The following UNK variants were observed in gnomAD, a reference collection of about 807,000 sequenced individuals.
The protein encoded by UNK is RING finger protein unkempt homolog.
In UNK, 32 loss-of-function variants were observed where a neutral mutation model predicts 97.6. The observed-to-expected ratio is 0.33, with a 90% CI of 0.25 to 0.44. The LOEUF is 0.44. UNK is among the 20% of genes least tolerant of loss of function. UNK has a pLI of 1.00. For missense variants in UNK, 771 were observed against 1,098.4 expected (o/e 0.70, Z 4.21); for synonymous variants, 441 against 461.2 (o/e 0.96, Z 0.56).
At position 75,824,142 on chromosome 17, in the gene UNK, T is replaced by C; in HGVS notation, c.2278-120T>C. On this transcript the variant is annotated intron_variant, in intron 15 of 15. Coordinates refer to ENST00000589666, the MANE Select transcript of UNK (RefSeq NM_001080419.3). This position sits in a 1 kb window ranked among gnomAD's most constrained non-coding sequence, Gnocchi z 4.9. ...TGCCAACAGGGGTCTGGGAGCACAC[T>C]GTTGAGCTCGGTACCTCAGTTTTCC... 2.4e-6 allele frequency: 3 copies of C among 1,256,714 alleles called. No individual in the cohort carries two copies. Among genetic ancestry groups the C allele is most frequent in the South Asian group, 1.6e-5 (1 of 62,534 alleles). 77.8% of individuals were successfully genotyped at this position (1,256,714 alleles called of 1,614,324 possible).
intron 2 of UNK, 56 bp downstream of exon 2, chr17:75,810,025 C>G: frequency 6.3e-7 from 1 of 1,595,316 alleles, no homozygotes; most frequent in Admixed American, 1.7e-5. Context: ...GGGTCAGATG[C>G]CCTCAGGGTA....
intron 1 of UNK, among the ~76,000 whole-genome samples, chr17:75,787,091 T>A (rs1193022399): frequency 6.6e-6 from 1 of 152,230 alleles, no homozygotes; most frequent in Non-Finnish European, 1.5e-5. Flanking sequence ...TCTTTCTTGC[T>A]AGACTTACTA....
intron 1 of UNK, among the ~76,000 whole-genome samples, chr17:75,800,825 A>G (rs1331579297): frequency 6.6e-6 from 1 of 152,070 alleles, no homozygotes; most frequent in Non-Finnish European, 1.5e-5. Context: ...CACTTCAACT[A>G]CAGACTCAAG....
chr17:75,822,691 G>C (rs2062080038), intron 14 of UNK, 33 bp downstream of exon 14: 1 of 1,558,390 alleles, frequency 6.4e-7, no homozygotes, highest in Non-Finnish European at 8.7e-7. Context: ...GCCTTCCCCA[G>C]TGCCAGGTGG....
At chr17:75,803,645 G>A (rs1487388011) in intron 1 of UNK, among the ~76,000 whole-genome samples, 2 of 152,184 alleles carry the variant, frequency 1.3e-5, no homozygotes, top group East Asian at 3.8e-4. Flanking sequence ...TTTATCATGT[G>A]TTATTGAACT....
Position 75,818,675 on chromosome 17 carries a change from C to T in UNK, c.1405C>T (p.Leu469=). ...GGGCATCCTCCCCGCAGGCAGCCCC[C>T]TGACCTCAAGCATCTCTTCTAGTAT... ...MLGILPAGSP[L]TSSISSSITS... The change falls in exon 11 of 16, where the codon CTG becomes TTG. Residue 469 remains leucine (L), a synonymous_variant. Coordinates refer to ENST00000589666, the MANE Select transcript of UNK (RefSeq NM_001080419.3). This position sits in a 1 kb window ranked among gnomAD's most constrained non-coding sequence, Gnocchi z 5.1. 1 of 1,609,056 alleles carries T rather than the reference C, an allele frequency of 6.2e-7. No individual in the cohort carries two copies. The highest frequency in any genetic ancestry group is 8.5e-7 in the Non-Finnish European group (1 of 1,177,170).
In UNK at chr17:75,824,225, C is replaced by A; in HGVS notation, c.2278-37C>A. On this transcript the variant is annotated intron_variant, in intron 15 of 15. Transcript: ENST00000589666. This position sits in a 1 kb window ranked among gnomAD's most constrained non-coding sequence, Gnocchi z 4.9. ...ACTCCTCGCTCAACTTGGGGCCAGACCCATGGATGGTGACCACGATGCCCC... is the reference window on the plus strand; with the variant it reads ...ACTCCTCGCTCAACTTGGGGCCAGAACCATGGATGGTGACCACGATGCCCC... 1 of 1,554,062 alleles carries A rather than the reference C, an allele frequency of 6.4e-7. No homozygotes were observed.
In UNK at chr17:75,825,011, G is replaced by C. The variant is rs1255298356; in HGVS notation, c.*594G>C. 1 of 152,272 alleles carries C rather than the reference G, an allele frequency of 6.6e-6. No homozygotes were observed. Among genetic ancestry groups the C allele is most frequent in the East Asian group, 1.9e-4 (1 of 5,176 alleles). The allele number at this position is 152,272 out of a possible 1,614,324, so 9.4% of individuals were successfully genotyped here. On this transcript the variant is annotated 3_prime_UTR_variant, in exon 16 of 16. Coordinates refer to ENST00000589666, the MANE Select transcript of UNK (RefSeq NM_001080419.3). The surrounding 1 kb of genome is among the most constrained non-coding windows in gnomAD (Gnocchi z 4.4). Reference sequence around the variant, plus strand: ...GCCTCAGGGAGGCCCGAGGGGGAGTGCTGGGGGTCTCAGCTGGCTTAGCTC... The same window carrying C: ...GCCTCAGGGAGGCCCGAGGGGGAGTCCTGGGGGTCTCAGCTGGCTTAGCTC...
chr17:75,815,034 T>C (rs570960406), intron 6 of UNK, 135 bp from the exon 7 acceptor site: 3 of 681,932 alleles, frequency 4.4e-6, no homozygotes, highest in Non-Finnish European at 5.0e-6. Context: ...GGGAGAGACA[T>C]AGTGGAGGGG....
In UNK at chr17:75,785,001, C is replaced by G. The variant is rs748908159; in HGVS notation, c.104+17C>G. On this transcript the variant is annotated intron_variant, in intron 1 of 15. Transcript: ENST00000589666. ...GCACTACACGTACGTAGAGCCCCCC[C>G]CCCCCCGCCGCGCGCGCACGCCTGA... The G allele has an allele frequency of 8.6e-6, 12 of 1,400,064 alleles. No individual in the cohort carries two copies. Among genetic ancestry groups the G allele is most frequent in the South Asian group, 3.1e-5 (2 of 63,740 alleles). The allele number at this position is 1,400,064 out of a possible 1,614,324, so 86.7% of individuals were successfully genotyped here. A position where few individuals can be genotyped will look rare whatever the true frequency, so the allele number is the denominator to read the frequency against.
rs1450714876 is a variant in UNK at position 75,825,685 on chromosome 17, T to G, written c.*1268T>G. The G allele has an allele frequency of 1.3e-5, 2 of 152,284 alleles. No homozygotes were observed. Among genetic ancestry groups the G allele is most frequent in the African/African-American group, 2.4e-5 (1 of 41,456 alleles). 9.4% of individuals were successfully genotyped at this position (152,284 alleles called of 1,614,324 possible). A position where few individuals can be genotyped will look rare whatever the true frequency, so the allele number is the denominator to read the frequency against. On this transcript the variant is annotated 3_prime_UTR_variant, in exon 16 of 16. Transcript: ENST00000589666. This position sits in a 1 kb window ranked among gnomAD's most constrained non-coding sequence, Gnocchi z 4.4. The stretch of plus-strand genomic sequence containing the variant: ...GTCTGGTCCTGGCCCAGGCTCCCCC[T>G]TGGGCTCAGCACGAAAGGGCTTTCA...
intron 1 of UNK, among the ~76,000 whole-genome samples, chr17:75,799,328 C>A (rs1374548446): frequency 6.6e-6 from 1 of 152,124 alleles, no homozygotes; most frequent in African/African-American, 2.4e-5. Context: ...CTGTAATGGT[C>A]TCTGCACATT....
rs767047400 is a variant in UNK, at chr17:75,812,533, T to C, written c.570T>C (p.Ala190=). Residue 190 remains alanine, a synonymous_variant, in exon 4 of 16, where the codon GCT becomes GCC. Transcript: ENST00000589666. ...EGSIEGQSAG[A]ASHAMIEKIL... ...GCATAGAGGGCCAGTCGGCTGGGGC[T>C]GCGAGCCATGCCATGATAGAAAAGA... The C allele has an allele frequency of 1.2e-6, 2 of 1,612,740 alleles. No homozygotes were observed. The highest frequency in any genetic ancestry group is 2.7e-5 in the African/African-American group (2 of 74,894).
chr17:75,814,740 C>T (rs1305885869), intron 6 of UNK, among the ~76,000 whole-genome samples: 1 of 152,200 alleles, frequency 6.6e-6, no homozygotes, highest in Non-Finnish European at 1.5e-5. Context: ...CAGAAACTAC[C>T]TTATGTAGCT....
rs193084422 is a variant in UNK at position 75,791,020 on chromosome 17, A to G, written c.104+6036A>G. Among the ~76,000 whole-genome samples the G allele has an allele frequency of 3.7e-3, 556 of 152,318 alleles. 3 individuals are homozygous for G. The highest frequency in any genetic ancestry group is 0.02 in the Middle Eastern group (6 of 294). ...GACCTCATTGTTTTGACCCCATGAG[A>G]GGAAGTATACCTCAAAGACTAATCA... On this transcript the variant is annotated intron_variant, in intron 1 of 15. Coordinates refer to ENST00000589666, the MANE Select transcript of UNK (RefSeq NM_001080419.3).
In UNK at chr17:75,812,211, C is replaced by G; in HGVS notation, c.414C>G (p.Gly138=). The part of the protein sequence containing the change: ...GICIHETDSK[G]NCTKNGLHCA... ...GCATCCACGAGACAGACTCGAAAGG[C>G]AACTGCACCAAAAACGGCCTGCACT... The change falls in exon 3 of 16, where the codon GGC becomes GGG. Residue 138 remains glycine, a synonymous_variant. Transcript: ENST00000589666. 1 of 1,614,044 alleles carries G rather than the reference C, an allele frequency of 6.2e-7. No homozygotes were observed. Among genetic ancestry groups the G allele is most frequent in the Non-Finnish European group, 8.5e-7 (1 of 1,179,902 alleles).
chr17:75,814,077 C>T (rs2061994952), intron 6 of UNK, among the ~76,000 whole-genome samples, 199 bp downstream of exon 6: 1 of 152,168 alleles, frequency 6.6e-6, no homozygotes, highest in Non-Finnish European at 1.5e-5. Context: ...CCCACGCTCA[C>T]CAAGCAGCCC....
Position 75,816,502 on chromosome 17 carries a change from C to T in UNK, c.962-268C>T, listed in dbSNP as rs1447623964. 1.3e-5 allele frequency among the ~76,000 whole-genome samples: 2 copies of T among 152,188 alleles called. No homozygotes were observed. The highest frequency in any genetic ancestry group is 1.9e-4 in the East Asian group (1 of 5,204). On this transcript the variant is annotated intron_variant, in intron 7 of 15. Transcript: ENST00000589666. This position sits in a 1 kb window ranked among gnomAD's most constrained non-coding sequence, Gnocchi z 4.0. ...TGTCACTTTGGTGGGTTTACCTTAC[C>T]TCTCTGAGCCTCAGTTTTCTTATTT...
rs1049317361 is a variant in UNK at position 75,817,587 on chromosome 17, T to G, written c.1305+61T>G. 6.7e-7 allele frequency: 1 copy of G among 1,494,424 alleles called. No homozygotes were observed. The highest frequency in any genetic ancestry group is 9.0e-7 in the Non-Finnish European group (1 of 1,110,274). 92.6% of individuals were successfully genotyped at this position (1,494,424 alleles called of 1,614,324 possible). On this transcript the variant is annotated intron_variant, in intron 9 of 15. Transcript: ENST00000589666. This position sits in a 1 kb window ranked among gnomAD's most constrained non-coding sequence, Gnocchi z 5.8. The stretch of plus-strand genomic sequence containing the variant: ...TCTCCTGCGTGGGGCAAGAGAATCT[T>G]GGAGGAGTGTCTTGGTCCAGCTACG...
Sources: gnomAD v4.1 joint callset for allele counts (sites outside exome capture counted in the v4.1 genomes callset) on GRCh38, gnomAD v4.1.1 for gene constraint, Gnocchi (gnomAD v3.1) non-coding constraint, MANE v1.5 for transcripts, NCBI Gene and HGNC (gene_info 2026-07-23, HGNC 2026-07-21) for gene names.